KIF17: variants seen among roughly 807,000 people sequenced by gnomAD.
KIF17 encodes the protein kinesin-like protein KIF17.
Under a neutral mutation model 96.8 loss-of-function variants are expected in KIF17, and 80 were observed. The ratio of observed to expected loss-of-function variants is 0.83; its 90% CI spans 0.69 to 1.00. KIF17 has a LOEUF of 1.00. Among genes scored for constraint, KIF17 ranks in the 50% least tolerant of loss-of-function variants. The probability of loss-of-function intolerance (pLI) is 0.00; values close to 1 mark genes in which losing one functional copy is unlikely to be tolerated. For synonymous variants in KIF17, 567 were observed against 587.5 expected (o/e 0.97, Z 0.51); for missense variants, 1,280 against 1,372.9 (o/e 0.93, Z 1.07).
Position 20,687,178 on chromosome 1 carries a change from G to A in KIF17, c.1938+210C>T, listed in dbSNP as rs1239810046. 6.6e-6 allele frequency among the ~76,000 whole-genome samples: 1 copy of A among 152,214 alleles called. No homozygotes were observed. Among genetic ancestry groups the A allele is most frequent in the African/African-American group, 2.4e-5 (1 of 41,452 alleles). ...ACCCCAACTTTCTTATTGAATTACA[G>A]AGCATGAGACAGAGCTTCTCCTTCC... On this transcript the variant is annotated intron_variant, in intron 8 of 14. Transcript: ENST00000400463. The surrounding 1 kb of genome is among the most constrained non-coding windows in gnomAD (Gnocchi z 4.4).
rs1300507651 is a variant in KIF17, at chr1:20,700,204, G to A, written c.1124-1716C>T. 6.6e-6 allele frequency among the ~76,000 whole-genome samples: 1 copy of A among 152,144 alleles called. No homozygotes were observed. Among genetic ancestry groups the A allele is most frequent in the Non-Finnish European group, 1.5e-5 (1 of 68,040 alleles). ...TCCTGCCTCAGCCTCCCGAGTAGCT[G>A]CGACTACAGGTGTGCGCCACTACGC... On this transcript the variant is annotated intron_variant, in intron 5 of 14. Coordinates refer to ENST00000400463, the MANE Select transcript of KIF17 (RefSeq NM_001122819.3). This position sits in a 1 kb window ranked among gnomAD's most constrained non-coding sequence, Gnocchi z 4.6.
At chr1:20,691,741 T>C (rs1162153757) in intron 6 of KIF17, among the ~76,000 whole-genome samples, 1 of 151,958 alleles carries the variant, frequency 6.6e-6, no homozygotes, top group African/African-American at 2.4e-5. Context: ...AGTGCTGGGA[T>C]TACAGGCATG....
chr1:20,704,387 G>A lies in KIF17; in HGVS notation c.1123+60C>T. 1 of 1,391,484 alleles carries A rather than the reference G, an allele frequency of 7.2e-7. No homozygotes were observed. The highest frequency in any genetic ancestry group is 1.4e-5 in the African/African-American group (1 of 70,042). 86.2% of individuals were successfully genotyped at this position (1,391,484 alleles called of 1,614,324 possible). A position where few individuals can be genotyped will look rare whatever the true frequency, so the allele number is the denominator to read the frequency against. On this transcript the variant is annotated intron_variant, in intron 5 of 14. Transcript: ENST00000400463. The surrounding 1 kb of genome is among the most constrained non-coding windows in gnomAD (Gnocchi z 6.8). ...GGGAAGTTGGAGGCGAGAAGACAGA[G>A]GGAAGGAAGCTTTCTCCTGGGGACC...
chr1:20,698,598 G>A lies in KIF17; in HGVS notation c.1124-110C>T, dbSNP rs539370868. ...CATGGTCATTCAAGAAGACTTTAAAGTATTCAGCTTATTTCAAACACATCT... is the reference window on the plus strand; with the variant it reads ...CATGGTCATTCAAGAAGACTTTAAAATATTCAGCTTATTTCAAACACATCT... On this transcript the variant is annotated intron_variant, in intron 5 of 14. Transcript: ENST00000400463. 23 of 712,192 alleles carry A rather than the reference G, an allele frequency of 3.2e-5. No individual in the cohort carries two copies. In the African/African-American group the frequency reaches 4.0e-4, roughly 12 times the overall value. 44.1% of individuals were successfully genotyped at this position (712,192 alleles called of 1,614,324 possible).
rs978400536 is a variant in KIF17, at chr1:20,672,464, C to T, written c.2464-268G>A. ...TAAATGAGCACCTAATGTGTCCCCC[C>T]AGCCCTGCAAAATGTAGGGGAAAAG... On this transcript the variant is annotated intron_variant, in intron 11 of 14. Coordinates refer to ENST00000400463, the MANE Select transcript of KIF17 (RefSeq NM_001122819.3). This position sits in a 1 kb window ranked among gnomAD's most constrained non-coding sequence, Gnocchi z 4.3. 2.6e-5 allele frequency among the ~76,000 whole-genome samples: 4 copies of T among 152,160 alleles called. No individual in the cohort carries two copies. Among genetic ancestry groups the T allele is most frequent in the South Asian group, 2.1e-4 (1 of 4,820 alleles).
intron 2 of KIF17, among the ~76,000 whole-genome samples, chr1:20,713,763 C>G (rs1047688103): frequency 2.0e-5 from 3 of 152,102 alleles, no homozygotes; most frequent in African/African-American, 4.8e-5. Flanking sequence ...GCTCAGGCCT[C>G]TTTGAGTTGC....
intron 3 of KIF17, among the ~76,000 whole-genome samples, chr1:20,713,107 T>C (rs1475867634): frequency 6.7e-6 from 1 of 150,082 alleles, no homozygotes; most frequent in Non-Finnish European, 1.5e-5. Flanking sequence ...GTGATTCTCC[T>C]GCCTTAGCCT....
Position 20,685,118 on chromosome 1 carries a change from T to C in KIF17, c.2020-98A>G. 1 of 923,892 alleles carries C rather than the reference T, an allele frequency of 1.1e-6. No individual in the cohort carries two copies. The highest frequency in any genetic ancestry group is 2.7e-5 in the East Asian group (1 of 37,658). The allele number at this position is 923,892 out of a possible 1,614,324, so 57.2% of individuals were successfully genotyped here. On this transcript the variant is annotated intron_variant, in intron 9 of 14. Coordinates refer to ENST00000400463, the MANE Select transcript of KIF17 (RefSeq NM_001122819.3). The surrounding 1 kb of genome is among the most constrained non-coding windows in gnomAD (Gnocchi z 4.1). ...CAATCCCAGACGGGGCCATTCCGCCTGCTGCAGCCCCGACAGATCACCTCC... is the reference window on the plus strand; with the variant it reads ...CAATCCCAGACGGGGCCATTCCGCCCGCTGCAGCCCCGACAGATCACCTCC...
Position 20,715,510 on chromosome 1 carries a change from C to G in KIF17, c.361G>C (p.Val121Leu). Residue 121 changes from valine to leucine, a missense_variant, in exon 2 of 15, where the codon GTG becomes CTG. Physicochemically the swap from Val to Leu is conservative, Grantham distance 32 (BLOSUM62 1). Coordinates refer to ENST00000400463, the MANE Select transcript of KIF17 (RefSeq NM_001122819.3). ...RGIIPRAFEH[V>L]FESVQCAENT... The stretch of plus-strand genomic sequence containing the variant: ...GCCCGTACCTGGACGCTCTCGAACA[C>G]GTGCTCGAAGGCCCTGGGGATGATG... 1.2e-6 allele frequency: 2 copies of G among 1,613,250 alleles called. No individual in the cohort carries two copies. The highest frequency in any genetic ancestry group is 1.7e-6 in the Non-Finnish European group (2 of 1,180,032).
At chr1:20,674,653 A>T (rs1247586852) in intron 11 of KIF17, among the ~76,000 whole-genome samples, 1 of 150,876 alleles carries the variant, frequency 6.6e-6, no homozygotes, top group Non-Finnish European at 1.5e-5. Flanking sequence ...GGTAGCAAAG[A>T]TTTACACCTA....
chr1:20,701,074 T>C (rs1014533553), intron 5 of KIF17, among the ~76,000 whole-genome samples: 6 of 152,156 alleles, frequency 3.9e-5, no homozygotes, highest in Admixed American at 3.3e-4. Context: ...AGGAGCACTG[T>C]GAGTCACGAT....
rs751497254 is a variant in KIF17 at position 20,704,703 on chromosome 1, G to A, written c.867C>T (p.Asp289=). ...CCTGCAGCAGCCGCGTCAGCTTCGA[G>A]TCACGGTAGGGGACGTGCTTACAGC... ...DGRCKHVPYR[D]SKLTRLLQDS... Residue 289 remains aspartate (D), a synonymous_variant, in exon 5 of 15, where the codon GAC becomes GAT. Coordinates refer to ENST00000400463, the MANE Select transcript of KIF17 (RefSeq NM_001122819.3). This position sits in a 1 kb window ranked among gnomAD's most constrained non-coding sequence, Gnocchi z 6.8. The A allele has an allele frequency of 2.3e-5, 37 of 1,613,940 alleles. No individual in the cohort carries two copies. The highest frequency in any genetic ancestry group is 3.1e-5 in the Non-Finnish European group (37 of 1,180,022).
intron 4 of KIF17, among the ~76,000 whole-genome samples, chr1:20,706,965 G>A (rs1275191356): frequency 2.0e-5 from 3 of 151,570 alleles, no homozygotes; most frequent in African/African-American, 4.9e-5. Flanking sequence ...GTGTAGTGTC[G>A]TGTGCCTGTT....
rs1457878697 is a variant in KIF17 at position 20,664,638 on chromosome 1, G to A, written c.3033C>T (p.Phe1011=). The A allele has an allele frequency of 7.1e-7, 1 of 1,402,052 alleles. No individual in the cohort carries two copies. Among genetic ancestry groups the A allele is most frequent in the Non-Finnish European group, 9.5e-7 (1 of 1,047,376 alleles). The allele number at this position is 1,402,052 out of a possible 1,614,324, so 86.9% of individuals were successfully genotyped here. A position where few individuals can be genotyped will look rare whatever the true frequency, so the allele number is the denominator to read the frequency against. Residue 1011 remains phenylalanine (F), a synonymous_variant, in exon 15 of 15, where the codon TTC becomes TTT. Coordinates refer to ENST00000400463, the MANE Select transcript of KIF17 (RefSeq NM_001122819.3). ...PFRLESLDIP[F]TKAKRKKSKS... ...TGCTTTTCTTACGCTTGGCCTTGGT[G>A]AAAGGGATGTCGAGGGACTCGAGGC...
At position 20,664,219 on chromosome 1, in the gene KIF17, T is replaced by A; in HGVS notation, c.*365A>T. 1 of 637,174 alleles carries A rather than the reference T, an allele frequency of 1.6e-6. No individual in the cohort carries two copies. Among genetic ancestry groups the A allele is most frequent in the Non-Finnish European group, 2.3e-6 (1 of 439,398 alleles). The allele number at this position is 637,174 out of a possible 1,614,324, so 39.5% of individuals were successfully genotyped here. A position where few individuals can be genotyped will look rare whatever the true frequency, so the allele number is the denominator to read the frequency against. On this transcript the variant is annotated 3_prime_UTR_variant, in exon 15 of 15. Coordinates refer to ENST00000400463, the MANE Select transcript of KIF17 (RefSeq NM_001122819.3). ...TATTGAGCTTCCTCCACGTGGCAGCTGCTGCCCTCTCCATCAGGGCTGGTG... is the reference window on the plus strand; with the variant it reads ...TATTGAGCTTCCTCCACGTGGCAGCAGCTGCCCTCTCCATCAGGGCTGGTG...
chr1:20,710,911 G>A (rs991035952), intron 3 of KIF17, among the ~76,000 whole-genome samples: 1 of 152,170 alleles, frequency 6.6e-6, no homozygotes, highest in Admixed American at 6.5e-5. Context: ...CCGATGGAAG[G>A]CTCCAGGGTT....
intron 1 of KIF17, 163 bp downstream of exon 1, chr1:20,717,313 G>A (rs2054595180): frequency 2.8e-6 from 2 of 712,700 alleles, no homozygotes; most frequent in East Asian, 2.7e-5. Context: ...GCAGGCTCTG[G>A]TTGTGTCCCG....
rs1039781518 is a variant in KIF17 at position 20,666,071 on chromosome 1, C to A, written c.2908+143G>T. 6.0e-5 allele frequency: 45 copies of A among 747,384 alleles called. No homozygotes were observed. The African/African-American group carries it at 7.0e-4, about 12-fold the overall frequency. The allele number at this position is 747,384 out of a possible 1,614,324, so 46.3% of individuals were successfully genotyped here. ...ACCTAATCCTAAGAAGTTGGTGTTA[C>A]CCCCCTCATTTTGTAGCTAAGGAAA... On this transcript the variant is annotated intron_variant, in intron 14 of 14. Transcript: ENST00000400463.
chr1:20,666,792 T>C (rs1387153583), intron 13 of KIF17, among the ~76,000 whole-genome samples: 1 of 152,212 alleles, frequency 6.6e-6, no homozygotes, highest in Non-Finnish European at 1.5e-5. Flanking sequence ...CTATTATTTT[T>C]CCCCACTATT....
Sources: gnomAD v4.1 joint callset for allele counts (sites outside exome capture counted in the v4.1 genomes callset) on GRCh38, gnomAD v4.1.1 for gene constraint, Gnocchi (gnomAD v3.1) non-coding constraint, MANE v1.5 for transcripts, NCBI Gene and HGNC (gene_info 2026-07-23, HGNC 2026-07-21) for gene names.